The following OSTN variants were observed in gnomAD, a reference collection of about 807,000 sequenced individuals.
OSTN encodes the protein osteocrin.
Under a neutral mutation model 12.0 loss-of-function variants are expected in OSTN, and 9 were observed. The observed-to-expected ratio is 0.75, with a 90% CI of 0.45 to 1.30. The LOEUF (loss-of-function observed/expected upper bound fraction) is 1.30, where lower values mean the gene tolerates loss of function less well. Among genes scored for constraint, OSTN ranks in the 50% most tolerant of loss-of-function variants. The pLI, the probability that OSTN is intolerant of heterozygous loss-of-function variation, is 0.00. For missense variants in OSTN, 148 were observed against 152.3 expected (o/e 0.97, Z 0.15); for synonymous variants, 59 against 56.9 (o/e 1.04, Z -0.16).
intron 3 of OSTN, among the ~76,000 whole-genome samples, chr3:191,243,282 A>G (rs959319772): frequency 3.2e-4 from 49 of 152,342 alleles, no homozygotes; most frequent in African/African-American, 1.1e-3. Flanking sequence ...ATAGCTGTCA[A>G]TTATACTACT....
At chr3:191,239,711 A>G (rs1386226130) in intron 3 of OSTN, among the ~76,000 whole-genome samples, 1 of 152,208 alleles carries the variant, frequency 6.6e-6, no homozygotes, top group Non-Finnish European at 1.5e-5. Flanking sequence ...GTTATTCAAA[A>G]CTACCCCATT....
At chr3:191,220,250 T>C (rs1394745661) in intron 3 of OSTN, among the ~76,000 whole-genome samples, 1 of 152,124 alleles carries the variant, frequency 6.6e-6, no homozygotes, top group Non-Finnish European at 1.5e-5. Context: ...AAAGCTACAC[T>C]AGAAAATAAA....
intron 2 of OSTN, among the ~76,000 whole-genome samples, chr3:191,214,453 A>C (rs927507423): frequency 2.0e-5 from 3 of 150,710 alleles, no homozygotes; most frequent in African/African-American, 7.3e-5. Flanking sequence ...AAAAAAAAAA[A>C]AAAAAAAAAC....
intron 3 of OSTN, among the ~76,000 whole-genome samples, chr3:191,222,407 C>A (rs1714789812): frequency 6.6e-6 from 1 of 152,182 alleles, no homozygotes; most frequent in South Asian, 2.1e-4. Flanking sequence ...ATTTACTGCC[C>A]CACTGGATTT....
intron 4 of OSTN, 136 bp downstream of exon 4, chr3:191,250,269 T>C (rs1361267309): frequency 4.5e-6 from 3 of 659,778 alleles, no homozygotes; most frequent in Non-Finnish European, 5.3e-6. Flanking sequence ...CAATCATTTA[T>C]GTATGCAATG....
chr3:191,233,923 C>T (rs1358066716), intron 3 of OSTN, among the ~76,000 whole-genome samples: 1 of 151,280 alleles, frequency 6.6e-6, no homozygotes, highest in Non-Finnish European at 1.5e-5. Flanking sequence ...GCCCAGGAGG[C>T]GGAGGTTGCA....
chr3:191,262,068 T>C (rs540299516), intron 4 of OSTN, among the ~76,000 whole-genome samples: 1 of 152,136 alleles, frequency 6.6e-6, no homozygotes, highest in Non-Finnish European at 1.5e-5. Flanking sequence ...AATACAAAAA[T>C]TTAGCCTGGC....
intron 3 of OSTN, among the ~76,000 whole-genome samples, chr3:191,241,677 G>A (rs1365822237): frequency 6.6e-6 from 1 of 152,132 alleles, no homozygotes; most frequent in East Asian, 1.9e-4. Flanking sequence ...AAGTTTTAAT[G>A]ACACCCGAAA....
At chr3:191,206,470 A>G (rs1460114363) in intron 1 of OSTN, among the ~76,000 whole-genome samples, 1 of 152,240 alleles carries the variant, frequency 6.6e-6, no homozygotes, top group Non-Finnish European at 1.5e-5. Context: ...TATTTCTGTC[A>G]CAGCCTAGAT....
intron 4 of OSTN, among the ~76,000 whole-genome samples, chr3:191,252,310 C>T (rs59844068): frequency 0.031 from 4,728 of 152,274 alleles, 232 homozygotes; most frequent in East Asian, 0.23. Flanking sequence ...TGTGATTCTC[C>T]TGCCTCGGCC....
At chr3:191,199,631 T>C (rs992028237) in intron 1 of OSTN, among the ~76,000 whole-genome samples, 1 of 152,126 alleles carries the variant, frequency 6.6e-6, no homozygotes, top group Admixed American at 6.6e-5. Context: ...AATTGTGTAA[T>C]ATTAGAAAAA....
intron 1 of OSTN, among the ~76,000 whole-genome samples, chr3:191,203,221 A>G (rs910722779): frequency 2.0e-5 from 3 of 152,194 alleles, no homozygotes; most frequent in Non-Finnish European, 4.4e-5. Context: ...AGGCTGCTCC[A>G]TGCATTCATT....
chr3:191,250,430 A>C lies in OSTN; in HGVS notation c.*12+297A>C, dbSNP rs547629193. ...AATATTAATATGCACACAAGGGTTAAAGTTCTAGTCAATATATTAAATCAC... is the reference window on the plus strand; with the variant it reads ...AATATTAATATGCACACAAGGGTTACAGTTCTAGTCAATATATTAAATCAC... On this transcript the variant is annotated intron_variant, in intron 4 of 4. Coordinates refer to ENST00000682035, the MANE Select transcript of OSTN (RefSeq NM_198184.2). Among the ~76,000 whole-genome samples the C allele has an allele frequency of 7.9e-5, 12 of 152,286 alleles. No individual in the cohort carries two copies. The South Asian group carries it at 8.3e-4, about 11-fold the overall frequency.
At chr3:191,231,659 G>A (rs989808616) in intron 3 of OSTN, among the ~76,000 whole-genome samples, 5 of 152,062 alleles carry the variant, frequency 3.3e-5, no homozygotes, top group East Asian at 1.9e-4. Flanking sequence ...AAATGTCTGC[G>A]ATTTTCATGT....
At chr3:191,227,986 G>T (rs983866288) in intron 3 of OSTN, among the ~76,000 whole-genome samples, 1 of 151,970 alleles carries the variant, frequency 6.6e-6, no homozygotes, top group African/African-American at 2.4e-5. Context: ...AAGAATGACA[G>T]AATCAGATTA....
intron 3 of OSTN, among the ~76,000 whole-genome samples, chr3:191,230,066 C>CAATAAATAAATAAAGAAATA: frequency 6.8e-6 from 1 of 146,148 alleles, no homozygotes; most frequent in African/African-American, 2.6e-5. Context: ...GACTCAGTCT[C>CAATAAATAAATAAAGAAATA]AATAAATAAA....
At chr3:191,261,991 T>C (rs1036897848) in intron 4 of OSTN, among the ~76,000 whole-genome samples, 20 of 151,950 alleles carry the variant, frequency 1.3e-4, no homozygotes, top group Non-Finnish European at 2.6e-4. Context: ...CCGAGGCGGG[T>C]GGATCACCTG....
At chr3:191,208,444 A>T (rs2108589168) in intron 1 of OSTN, among the ~76,000 whole-genome samples, 1 of 152,370 alleles carries the variant, frequency 6.6e-6, no homozygotes, top group African/African-American at 2.4e-5. Context: ...TGCCACATTT[A>T]GGAACTTGGC....
intron 3 of OSTN, among the ~76,000 whole-genome samples, chr3:191,230,625 A>G (rs895230045): frequency 6.6e-6 from 1 of 151,716 alleles, no homozygotes; most frequent in Admixed American, 6.6e-5. Context: ...ATGAGAACTC[A>G]CTATCAGGTG....
Sources: gnomAD v4.1 joint callset for allele counts (sites outside exome capture counted in the v4.1 genomes callset) on GRCh38, gnomAD v4.1.1 for gene constraint, MANE v1.5 for transcripts, NCBI Gene and HGNC (gene_info 2026-07-23, HGNC 2026-07-21) for gene names.